DCDC2C: variants seen among roughly 807,000 people sequenced by gnomAD.
DCDC2C encodes the protein doublecortin domain-containing protein 2C.
DCDC2C carries 44 observed loss-of-function variants against 45.0 expected under a neutral mutation model. The ratio of observed to expected loss-of-function variants is 0.98; its 90% confidence interval spans 0.77 to 1.26. The LOEUF (loss-of-function observed/expected upper bound fraction) is 1.26, where lower values mean the gene tolerates loss of function less well. Ranked by LOEUF, DCDC2C falls within the 50% of genes most tolerant of loss-of-function variation. The pLI is 0.00. For synonymous variants in DCDC2C, 187 were observed against 178.8 expected, an observed-to-expected ratio of 1.05 and a Z score of -0.37; for missense variants, 447 against 468.9, an observed-to-expected ratio of 0.95 and a Z score of 0.43.
intron 2 of DCDC2C, among the ~76,000 whole-genome samples, chr2:3,725,449 G>GCC (rs1288915622): frequency 2.8e-5 from 3 of 106,182 alleles, no homozygotes; most frequent in Admixed American, 1.1e-4. Flanking sequence ...AAGACGAGCA[G>GCC]AGAGGGAGGA....
intron 10 of DCDC2C, among the ~76,000 whole-genome samples, chr2:3,845,194 AG>A (rs1433978307): frequency 6.6e-6 from 1 of 152,174 alleles, no homozygotes; most frequent in African/African-American, 2.4e-5. Flanking sequence ...ACGAACTCAC[AG>A]GCTGTTGGGA....
intron 10 of DCDC2C, among the ~76,000 whole-genome samples, chr2:3,844,023 T>C (rs1467988638): frequency 6.6e-6 from 1 of 152,194 alleles, no homozygotes; most frequent in Non-Finnish European, 1.5e-5. Flanking sequence ...CTTAGGTGGC[T>C]ACTAGATTTA....
intron 5 of DCDC2C, 22 bp from the exon 6 acceptor site, chr2:3,754,570 T>G: frequency 6.5e-7 from 1 of 1,548,402 alleles, no homozygotes; most frequent in Non-Finnish European, 8.7e-7. Flanking sequence ...ACATTTCAAG[T>G]TGAACATCTT....
chr2:3,742,269 T>C (rs1396831973), intron 4 of DCDC2C, among the ~76,000 whole-genome samples: 1 of 152,228 alleles, frequency 6.6e-6, no homozygotes, highest in Non-Finnish European at 1.5e-5. Flanking sequence ...GCATCTACCA[T>C]GTGCTAGGGG....
At chr2:3,749,816 A>G (rs1170384234) in intron 4 of DCDC2C, among the ~76,000 whole-genome samples, 1 of 152,162 alleles carries the variant, frequency 6.6e-6, no homozygotes, top group Non-Finnish European at 1.5e-5. Flanking sequence ...CCCTGAATGA[A>G]AAGCACACAA....
At chr2:3,795,889 T>C (rs1327366608) in intron 10 of DCDC2C, among the ~76,000 whole-genome samples, 2 of 127,674 alleles carry the variant, frequency 1.6e-5, no homozygotes, top group Non-Finnish European at 3.3e-5. Flanking sequence ...AAGTAGTTTT[T>C]TCCAATTCCG....
chr2:3,772,487 TAGTC>T (rs1670201481), intron 8 of DCDC2C, among the ~76,000 whole-genome samples: 1 of 152,188 alleles, frequency 6.6e-6, no homozygotes, highest in Admixed American at 6.5e-5. Context: ...CAGTACTTGT[TAGTC>T]AGTTCTGGAA....
Position 3,708,568 on chromosome 2 carries a change from C to T in DCDC2C, c.307C>T (p.Arg103Ter), listed in dbSNP as rs528911996. The change falls in exon 2 of 11, where the codon CGA becomes TGA. Residue 103 changes from arginine to a stop codon, truncating the protein, a stop_gained. Coordinates refer to ENST00000399143, the MANE Select transcript of DCDC2C (RefSeq NM_001287444.2). LOFTEE classifies it high-confidence loss of function. Reference sequence around the variant, plus strand: ...TTGCAGTTATATTCATATAGTTCCCCGAAAACCTGCAAAGATAAGGAAGTT... The same window carrying T: ...TTGCAGTTATATTCATATAGTTCCCTGAAAACCTGCAAAGATAAGGAAGTT... ...KELDYIHIVP[R>*]KPAKIRKLKE... is the part of the protein sequence containing the mutation. 2.6e-5 allele frequency: 40 copies of T among 1,547,684 alleles called. No homozygotes were observed. The highest frequency in any genetic ancestry group is 1.7e-4 in the East Asian group (7 of 40,836).
chr2:3,800,048 A>C (rs1671074254), intron 10 of DCDC2C, among the ~76,000 whole-genome samples: 1 of 152,188 alleles, frequency 6.6e-6, no homozygotes, highest in South Asian at 2.1e-4. Context: ...CCTCCGAGCC[A>C]GGTGCGGGAT....
intron 10 of DCDC2C, among the ~76,000 whole-genome samples, chr2:3,805,731 G>C (rs1010249252): frequency 6.6e-6 from 1 of 152,218 alleles, no homozygotes; most frequent in Non-Finnish European, 1.5e-5. Context: ...GGATGATGCT[G>C]CATGCCAAAC....
At chr2:3,816,314 G>GA (rs397732053) in intron 10 of DCDC2C, among the ~76,000 whole-genome samples, 2 of 151,700 alleles carry the variant, frequency 1.3e-5, no homozygotes, top group East Asian at 1.9e-4. Flanking sequence ...TGCCCAAGGG[G>GA]TTTAGCATAA....
chr2:3,801,171 C>T lies in DCDC2C; in HGVS notation c.1065+16071C>T, dbSNP rs989397786. On this transcript the variant is annotated intron_variant, in intron 10 of 10. Coordinates refer to ENST00000399143, the MANE Select transcript of DCDC2C (RefSeq NM_001287444.2). The stretch of plus-strand genomic sequence containing the variant: ...TCACTTTCAACAACAGTATCGCATC[C>T]CAGCAGGACTCACTGAAGGAGGAGT... 3.9e-5 allele frequency among the ~76,000 whole-genome samples: 6 copies of T among 152,196 alleles called. No homozygotes were observed. The South Asian group carries it at 1.0e-3, about 26-fold the overall frequency.
At position 3,839,513 on chromosome 2, in the gene DCDC2C, A is replaced by G. The variant is rs149767002; in HGVS notation, c.1066-7641A>G. 3.5e-3 allele frequency among the ~76,000 whole-genome samples: 534 copies of G among 152,334 alleles called. 3 individuals are homozygous for G. The highest frequency in any genetic ancestry group is 0.01 in the African/African-American group (435 of 41,572). On this transcript the variant is annotated intron_variant, in intron 10 of 10. Transcript: ENST00000399143. ...AATTGAGGAAATTCTTTGTGGAGAAAGGCAGTGGTTTTTCTGACCTCATCC... is the reference window on the plus strand; with the variant it reads ...AATTGAGGAAATTCTTTGTGGAGAAGGGCAGTGGTTTTTCTGACCTCATCC...
chr2:3,829,771 C>G (rs1215654016), intron 10 of DCDC2C, among the ~76,000 whole-genome samples: 1 of 152,136 alleles, frequency 6.6e-6, no homozygotes, highest in African/African-American at 2.4e-5. Flanking sequence ...TAGAAAATCT[C>G]TGGGTTTCGG....
chr2:3,738,749 G>T (rs1217090089), intron 3 of DCDC2C, among the ~76,000 whole-genome samples: 1 of 151,968 alleles, frequency 6.6e-6, no homozygotes, highest in East Asian at 1.9e-4. Context: ...TCTTGTATAT[G>T]GTTTTTTATC....
intron 3 of DCDC2C, among the ~76,000 whole-genome samples, chr2:3,727,892 C>T (rs1281511540): frequency 6.6e-6 from 1 of 152,206 alleles, no homozygotes; most frequent in African/African-American, 2.4e-5. Flanking sequence ...AGCCAGCCCC[C>T]CAGGGCTTGT....
chr2:3,766,295 C>T lies in DCDC2C; in HGVS notation c.727-1459C>T, dbSNP rs146218574. Among the ~76,000 whole-genome samples the T allele has an allele frequency of 9.1e-4, 136 of 148,924 alleles. 1 individual carries two copies. The highest frequency in any genetic ancestry group is 2.8e-3 in the African/African-American group (113 of 40,310). On this transcript the variant is annotated intron_variant, in intron 6 of 10. Coordinates refer to ENST00000399143, the MANE Select transcript of DCDC2C (RefSeq NM_001287444.2). ...GACACCACATACACACTCATACATA[C>T]ACATACACACACACGCACACACACA...
intron 10 of DCDC2C, among the ~76,000 whole-genome samples, chr2:3,804,413 AG>A (rs1444015905): frequency 6.6e-6 from 1 of 152,092 alleles, no homozygotes; most frequent in Non-Finnish European, 1.5e-5. Context: ...TTAATTTCCT[AG>A]TTTCTGATTC....
intron 7 of DCDC2C, chr2:3,769,078 A>G (rs1173994203): frequency 1.9e-5 from 9 of 475,672 alleles, no homozygotes; most frequent in African/African-American, 1.7e-4. Flanking sequence ...GACAGAGACA[A>G]AAGCAGACGG....
Sources: allele counts gnomAD v4.1 joint callset (sites outside exome capture counted in the v4.1 genomes callset), GRCh38; gene constraint gnomAD v4.1.1; transcripts MANE v1.5; gene names NCBI Gene and HGNC (gene_info 2026-07-23, HGNC 2026-07-21).